Variants in RAB38 observed in about 807,000 individuals in gnomAD.
RAB38 encodes ras-related protein Rab-38.
RAB38 carries 15 observed loss-of-function variants against 18.4 expected under a neutral mutation model. The observed-to-expected ratio is 0.82, with a 90% CI of 0.55 to 1.26. The LOEUF (loss-of-function observed/expected upper bound fraction) is 1.26. RAB38 is among the 50% of genes most tolerant of loss of function. The probability of loss-of-function intolerance (pLI) is 0.00; values close to 1 mark genes in which losing one functional copy is unlikely to be tolerated. For missense variants in RAB38, 294 were observed against 267.4 expected (o/e 1.10, Z -0.69); for synonymous variants, 101 against 104.4 (o/e 0.97, Z 0.20).
chr11:87,833,504 A>G, the RAB38 span, among the ~76,000 whole-genome samples: 3 of 152,236 alleles, frequency 2.0e-5, no homozygotes, highest in Non-Finnish European at 2.9e-5. Context: ...CACATAACAG[A>G]GTCTCCCCCT....
the RAB38 span, among the ~76,000 whole-genome samples, chr11:88,029,779 T>A: frequency 6.6e-6 from 1 of 152,024 alleles, no homozygotes; most frequent in Admixed American, 6.6e-5. Flanking sequence ...ACATTAATAA[T>A]GGGAGACTTT....
chr11:88,063,643 G>T, the RAB38 span, among the ~76,000 whole-genome samples: 8 of 152,174 alleles, frequency 5.3e-5, no homozygotes, highest in Admixed American at 2.6e-4. Flanking sequence ...CAAGGGCAGG[G>T]CCAGGTGGAG....
chr11:87,873,624 A>C, the RAB38 span, among the ~76,000 whole-genome samples: 1 of 151,366 alleles, frequency 6.6e-6, no homozygotes, highest in East Asian at 2.0e-4. Context: ...TTTTGAATTA[A>C]TTTTCTGCAA....
chr11:87,844,732 C>T, the RAB38 span, among the ~76,000 whole-genome samples: 1 of 152,140 alleles, frequency 6.6e-6, no homozygotes. Flanking sequence ...TTCACTTTCA[C>T]CCTAATCAAT....
the RAB38 span, among the ~76,000 whole-genome samples, chr11:87,964,517 T>C: frequency 4.6e-5 from 7 of 152,044 alleles, no homozygotes; most frequent in Non-Finnish European, 8.8e-5. Flanking sequence ...GGAAATAGAC[T>C]TCAGTTCATC....
chr11:88,152,420 T>C (rs758922287), intron 1 of RAB38, among the ~76,000 whole-genome samples: 1 of 152,016 alleles, frequency 6.6e-6, no homozygotes, highest in South Asian at 2.1e-4. Flanking sequence ...GGAAAATATG[T>C]GTGTGTGTGT....
the RAB38 span, among the ~76,000 whole-genome samples, chr11:87,918,202 G>C: frequency 6.6e-6 from 1 of 151,968 alleles, no homozygotes; most frequent in African/African-American, 2.4e-5. Flanking sequence ...CATTCATGTT[G>C]TCACAATGAC....
the RAB38 span, among the ~76,000 whole-genome samples, chr11:87,954,538 G>A: frequency 6.6e-6 from 1 of 151,328 alleles, no homozygotes; most frequent in Admixed American, 6.6e-5. Context: ...ATGCACGCTA[G>A]AGAAGGAACA....
the RAB38 span, among the ~76,000 whole-genome samples, chr11:87,964,674 C>T: frequency 2.0e-5 from 3 of 151,976 alleles, no homozygotes; most frequent in Admixed American, 6.6e-5. Flanking sequence ...TTCTGGGTCC[C>T]GCTGTGGCCA....
chr11:88,079,675 A>G, the RAB38 span, among the ~76,000 whole-genome samples: 1 of 151,862 alleles, frequency 6.6e-6, no homozygotes. Flanking sequence ...AAACCTAGTA[A>G]TATAAAAAAT....
At chr11:87,867,118 G>C in the RAB38 span, among the ~76,000 whole-genome samples, 1 of 151,744 alleles carries the variant, frequency 6.6e-6, no homozygotes, top group Admixed American at 6.6e-5. Context: ...CTTTCTGAAT[G>C]CTGGTTGTCC....
At chr11:87,825,756 A>G in the RAB38 span, among the ~76,000 whole-genome samples, 1 of 152,078 alleles carries the variant, frequency 6.6e-6, no homozygotes, top group East Asian at 1.9e-4. Flanking sequence ...GTAGAGAAAA[A>G]GTGGAGAGAT....
chr11:87,943,141 A>G, the RAB38 span, among the ~76,000 whole-genome samples: 23 of 152,294 alleles, frequency 1.5e-4, no homozygotes, highest in Non-Finnish European at 2.8e-4. Flanking sequence ...GAGATAACCT[A>G]CAATTGTCAG....
the RAB38 span, among the ~76,000 whole-genome samples, chr11:88,079,384 T>A: frequency 6.6e-6 from 1 of 151,744 alleles, no homozygotes; most frequent in Non-Finnish European, 1.5e-5. Context: ...AAAATGATAT[T>A]CTCAATAGTT....
chr11:88,078,770 T>C, the RAB38 span, among the ~76,000 whole-genome samples: 1 of 151,940 alleles, frequency 6.6e-6, no homozygotes, highest in South Asian at 2.1e-4. Flanking sequence ...TCAGTACAAA[T>C]ATACAAATTT....
At chr11:88,070,794 G>A in the RAB38 span, among the ~76,000 whole-genome samples, 6 of 152,130 alleles carry the variant, frequency 3.9e-5, no homozygotes, top group African/African-American at 1.4e-4. Context: ...TAACTTATTT[G>A]GATCCCATCA....
chr11:88,005,659 T>G, the RAB38 span, among the ~76,000 whole-genome samples: 32 of 151,366 alleles, frequency 2.1e-4, no homozygotes, highest in African/African-American at 7.3e-4. Context: ...TGGTTTTATT[T>G]TTAAAATCCT....
chr11:87,901,734 C>T, the RAB38 span, among the ~76,000 whole-genome samples: 1 of 151,530 alleles, frequency 6.6e-6, no homozygotes, highest in Non-Finnish European at 1.5e-5. Context: ...TGTGCTTACA[C>T]TACAAATCTT....
the RAB38 span, among the ~76,000 whole-genome samples, chr11:87,852,207 G>A: frequency 1.3e-5 from 2 of 152,052 alleles, no homozygotes; most frequent in Middle Eastern, 3.2e-3. Flanking sequence ...ACCTACTTCA[G>A]GGAAAGGTCA....
Sources: allele counts gnomAD v4.1 joint callset (sites outside exome capture counted in the v4.1 genomes callset), GRCh38; gene constraint gnomAD v4.1.1; transcripts MANE v1.5; gene names NCBI Gene and HGNC (gene_info 2026-07-23, HGNC 2026-07-21).